Variants in GRID2 observed in about 807,000 individuals in gnomAD.
GRID2 encodes the protein glutamate receptor ionotropic, delta-2.
GRID2 carries 33 observed loss-of-function variants against 114.8 expected under a neutral mutation model. The observed-to-expected ratio is 0.29, with a 90% CI of 0.22 to 0.38. GRID2 has a LOEUF of 0.38. GRID2 is among the 10% of genes least tolerant of loss of function. GRID2 has a pLI of 1.00. For missense variants in GRID2, 1,184 were observed against 1,257.7 expected (o/e 0.94, Z 0.89); for synonymous variants, 505 against 449.9 (o/e 1.12, Z -1.55).
intron 13 of GRID2, among the ~76,000 whole-genome samples, chr4:93,611,980 T>C (rs1740977162): frequency 6.7e-6 from 1 of 149,114 alleles, no homozygotes; most frequent in African/African-American, 2.5e-5. Flanking sequence ...CAGGACTTGC[T>C]TTATGAATCT....
chr4:93,254,014 C>T (rs1749280802), intron 8 of GRID2, among the ~76,000 whole-genome samples: 1 of 151,980 alleles, frequency 6.6e-6, no homozygotes, highest in East Asian at 1.9e-4. Context: ...AGTAAATTCT[C>T]TATAGATTTA....
chr4:93,021,557 TTAAATAA>T (rs1348276966), intron 2 of GRID2, among the ~76,000 whole-genome samples: 2 of 146,282 alleles, frequency 1.4e-5, no homozygotes, highest in Non-Finnish European at 3.0e-5. Flanking sequence ...AAAACAAATT[TTAAATAA>T]TAAATAATAT....
At chr4:93,029,359 T>C (rs1351630460) in intron 2 of GRID2, among the ~76,000 whole-genome samples, 1 of 152,116 alleles carries the variant, frequency 6.6e-6, no homozygotes, top group East Asian at 1.9e-4. Flanking sequence ...GATTCACTAA[T>C]ATTTGTTAAT....
At chr4:93,112,445 T>C (rs1265635315) in intron 4 of GRID2, among the ~76,000 whole-genome samples, 1 of 151,914 alleles carries the variant, frequency 6.6e-6, no homozygotes, top group Non-Finnish European at 1.5e-5. Context: ...GGAGTTCTCA[T>C]GAGATCTGAT....
chr4:92,923,950 G>GC (rs1749588519), intron 2 of GRID2, among the ~76,000 whole-genome samples: 1 of 152,020 alleles, frequency 6.6e-6, no homozygotes, highest in Non-Finnish European at 1.5e-5. Flanking sequence ...ACATGCACAC[G>GC]TATGTTTATT....
intron 5 of GRID2, among the ~76,000 whole-genome samples, chr4:93,213,939 T>G (rs548004624): frequency 6.6e-6 from 1 of 152,204 alleles, no homozygotes; most frequent in East Asian, 1.9e-4. Flanking sequence ...AAATTATTTT[T>G]GGGAAAAAAG....
chr4:92,762,418 T>C (rs1738061701), intron 2 of GRID2, among the ~76,000 whole-genome samples: 1 of 150,818 alleles, frequency 6.6e-6, no homozygotes, highest in African/African-American at 2.4e-5. Flanking sequence ...TATCTGTCAC[T>C]TTATCCTAAT....
intron 2 of GRID2, among the ~76,000 whole-genome samples, chr4:92,667,250 C>T (rs1732835075): frequency 6.6e-6 from 1 of 151,578 alleles, no homozygotes; most frequent in Non-Finnish European, 1.5e-5. Flanking sequence ...ATTGGTGCTT[C>T]CTACTCCACT....
intron 2 of GRID2, among the ~76,000 whole-genome samples, chr4:92,817,720 A>T (rs555136631): frequency 2.0e-5 from 3 of 150,138 alleles, no homozygotes; most frequent in African/African-American, 7.3e-5. Flanking sequence ...TTTTGGAGAG[A>T]TGGTGTCTCA....
chr4:93,406,025 A>AT (rs972651892), intron 9 of GRID2, among the ~76,000 whole-genome samples: 17 of 152,194 alleles, frequency 1.1e-4, no homozygotes, highest in African/African-American at 3.6e-4. Flanking sequence ...AAGATTATTA[A>AT]TTTTTTTCAT....
intron 1 of GRID2, among the ~76,000 whole-genome samples, chr4:92,504,004 T>C (rs911187620): frequency 6.6e-6 from 1 of 152,080 alleles, no homozygotes; most frequent in Non-Finnish European, 1.5e-5. Context: ...TAAAAATTTA[T>C]ATATCATTTC....
intron 4 of GRID2, among the ~76,000 whole-genome samples, chr4:93,147,250 CA>C (rs1736351273): frequency 6.6e-6 from 1 of 152,026 alleles, no homozygotes; most frequent in South Asian, 2.1e-4. Flanking sequence ...AATCAAAAAA[CA>C]AACAAAAATC....
At chr4:93,525,127 C>G (rs1161005667) in intron 13 of GRID2, among the ~76,000 whole-genome samples, 7 of 151,870 alleles carry the variant, frequency 4.6e-5, no homozygotes, top group Non-Finnish European at 1.0e-4. Flanking sequence ...ACAGCAGGTA[C>G]CCCACAGAGA....
chr4:93,092,988 A>T (rs571682868), intron 3 of GRID2, among the ~76,000 whole-genome samples: 65 of 152,140 alleles, frequency 4.3e-4, no homozygotes, highest in Non-Finnish European at 8.2e-4. Flanking sequence ...GCTGAGCTTG[A>T]ATGACCTAAG....
intron 4 of GRID2, among the ~76,000 whole-genome samples, chr4:93,195,377 T>A (rs1741385398): frequency 6.6e-6 from 1 of 152,176 alleles, no homozygotes; most frequent in East Asian, 1.9e-4. Context: ...TGGAGAACCA[T>A]CTGAGAAAGC....
At chr4:93,709,427 A>C (rs2110162299) in intron 14 of GRID2, among the ~76,000 whole-genome samples, 1 of 152,216 alleles carries the variant, frequency 6.6e-6, no homozygotes, top group South Asian at 2.1e-4. Context: ...TTGGCTTGTA[A>C]GTTTTCCACT....
chr4:92,974,748 T>C (rs1057442765), intron 2 of GRID2, among the ~76,000 whole-genome samples: 10 of 151,942 alleles, frequency 6.6e-5, no homozygotes, highest in African/African-American at 2.4e-4. Flanking sequence ...GATGGGTTGA[T>C]GGGTTCAGCA....
chr4:93,066,574 T>TGTAGCCTATATGTA, intron 2 of GRID2, among the ~76,000 whole-genome samples: 1 of 152,162 alleles, frequency 6.6e-6, no homozygotes, highest in Non-Finnish European at 1.5e-5. Context: ...TAGATAATAC[T>TGTAGCCTATATGTA]GTAGCCTATA....
At chr4:92,811,859 G>T (rs1422933911) in intron 2 of GRID2, among the ~76,000 whole-genome samples, 1 of 151,992 alleles carries the variant, frequency 6.6e-6, no homozygotes, top group Non-Finnish European at 1.5e-5. Context: ...ATTCAAAATC[G>T]TGACGTACTT....
Sources: allele counts gnomAD v4.1 joint callset (sites outside exome capture counted in the v4.1 genomes callset), GRCh38; gene constraint gnomAD v4.1.1; transcripts MANE v1.5; gene names NCBI Gene and HGNC (gene_info 2026-07-23, HGNC 2026-07-21).